BCAS4: variants seen among roughly 807,000 people sequenced by gnomAD.
BCAS4 encodes breast carcinoma-amplified sequence 4.
Under a neutral mutation model 15.7 loss-of-function variants are expected in BCAS4, and 9 were observed. The ratio of observed to expected loss-of-function variants is 0.57; its 90% CI spans 0.34 to 1.00. The LOEUF (loss-of-function observed/expected upper bound fraction) is 1.00, where lower values mean the gene tolerates loss of function less well. BCAS4 is among the 50% of genes least tolerant of loss of function. BCAS4 has a pLI of 0.02. For synonymous variants in BCAS4, 101 were observed against 99.5 expected, an observed-to-expected ratio of 1.02 and a Z score of -0.09; for missense variants, 225 against 239.1, an observed-to-expected ratio of 0.94 and a Z score of 0.39.
chr20:50,808,674 T>C (rs779839100), intron 1 of BCAS4, among the ~76,000 whole-genome samples: 4 of 152,210 alleles, frequency 2.6e-5, no homozygotes, highest in African/African-American at 4.8e-5. Flanking sequence ...AACTGTCTAT[T>C]CATGTCCTTT....
intron 3 of BCAS4, among the ~76,000 whole-genome samples, chr20:50,831,980 C>A (rs550877931): frequency 6.6e-6 from 1 of 152,196 alleles, no homozygotes; most frequent in South Asian, 2.1e-4. Flanking sequence ...TTATTCCACA[C>A]GTTTGAAAGA....
chr20:50,799,179 C>G (rs1261829677), intron 1 of BCAS4, among the ~76,000 whole-genome samples: 1 of 152,170 alleles, frequency 6.6e-6, no homozygotes, highest in East Asian at 1.9e-4. Flanking sequence ...GGCTAAGCCC[C>G]AGCTTCATTT....
chr20:50,832,106 G>C (rs1013038505), intron 3 of BCAS4, among the ~76,000 whole-genome samples: 1 of 152,130 alleles, frequency 6.6e-6, no homozygotes, highest in Non-Finnish European at 1.5e-5. Context: ...AGGGCCAGGA[G>C]AGACCCTCAG....
At chr20:50,802,171 C>T (rs1229098304) in intron 1 of BCAS4, among the ~76,000 whole-genome samples, 1 of 152,064 alleles carries the variant, frequency 6.6e-6, no homozygotes, top group Non-Finnish European at 1.5e-5. Context: ...ACACTCTAGC[C>T]TGGGTGACAG....
chr20:50,808,577 G>A (rs1233920855), intron 1 of BCAS4, among the ~76,000 whole-genome samples: 1 of 152,196 alleles, frequency 6.6e-6, no homozygotes, highest in African/African-American at 2.4e-5. Flanking sequence ...GTATCGCATT[G>A]TGGTTTGGAT....
intron 3 of BCAS4, among the ~76,000 whole-genome samples, chr20:50,837,741 G>A (rs978444488): frequency 2.0e-5 from 3 of 152,226 alleles, no homozygotes; most frequent in Non-Finnish European, 4.4e-5. Context: ...CTCACTGGCA[G>A]GCATTTTGGA....
chr20:50,831,671 T>C (rs1376068589), intron 3 of BCAS4, among the ~76,000 whole-genome samples: 1 of 152,090 alleles, frequency 6.6e-6, no homozygotes, highest in African/African-American at 2.4e-5. Flanking sequence ...TCACACTAGT[T>C]ACATCAAGAC....
At chr20:50,870,365 T>A (rs559406271) in intron 4 of BCAS4, among the ~76,000 whole-genome samples, 1 of 152,184 alleles carries the variant, frequency 6.6e-6, no homozygotes. Context: ...CCTGAGGTGG[T>A]GGGCTTGGCT....
chr20:50,837,486 C>T (rs1057016231), intron 3 of BCAS4, among the ~76,000 whole-genome samples: 4 of 152,184 alleles, frequency 2.6e-5, no homozygotes, highest in Admixed American at 2.0e-4. Context: ...ATGAGGCTTT[C>T]CTTCCCTCCC....
At chr20:50,824,799 G>T (rs1315708497) in intron 2 of BCAS4, among the ~76,000 whole-genome samples, 1 of 152,198 alleles carries the variant, frequency 6.6e-6, no homozygotes, top group Non-Finnish European at 1.5e-5. Flanking sequence ...AGTGTGGCCA[G>T]GTCTTGGCTC....
intron 1 of BCAS4, among the ~76,000 whole-genome samples, chr20:50,800,781 C>G (rs113893453): frequency 0.13 from 20,402 of 151,952 alleles, 1,488 homozygotes; most frequent in South Asian, 0.16. Context: ...AGGCTGCTCT[C>G]GAACCTGTGA....
chr20:50,876,475 T>G lies in BCAS4; in HGVS notation c.400-11T>G. ...AAATCGCTGATAGAGCTTCATTTCT[T>G]GTCATTCCAGAAGTCACCTGCACCG... On this transcript the variant is annotated splice_polypyrimidine_tract_variant and intron_variant, in intron 4 of 4. Transcript: ENST00000371608. The G allele has an allele frequency of 1.2e-6, 2 of 1,611,240 alleles. No individual in the cohort carries two copies. Among genetic ancestry groups the G allele is most frequent in the Non-Finnish European group, 1.7e-6 (2 of 1,179,132 alleles).
chr20:50,812,640 A>G (rs1600852870), intron 1 of BCAS4, among the ~76,000 whole-genome samples: 2 of 150,564 alleles, frequency 1.3e-5, no homozygotes, highest in African/African-American at 4.9e-5. Flanking sequence ...GGGTTTCACC[A>G]TCTTGGCCAG....
At chr20:50,822,447 A>G (rs1356649263) in intron 2 of BCAS4, among the ~76,000 whole-genome samples, 1 of 152,182 alleles carries the variant, frequency 6.6e-6, no homozygotes, top group Non-Finnish European at 1.5e-5. Flanking sequence ...CCATCTCCAA[A>G]GAGTTACTGT....
intron 3 of BCAS4, chr20:50,840,449 A>G: frequency 1.2e-6 from 1 of 819,666 alleles, no homozygotes; most frequent in Non-Finnish European, 2.1e-6. Flanking sequence ...TGGGAGAGGC[A>G]GTCGCGGCCT....
chr20:50,821,287 C>T (rs1205967673), intron 2 of BCAS4, among the ~76,000 whole-genome samples: 4 of 152,232 alleles, frequency 2.6e-5, no homozygotes, highest in Non-Finnish European at 5.9e-5. Context: ...AGACTCTTCC[C>T]ATGTGTCTGT....
intron 1 of BCAS4, among the ~76,000 whole-genome samples, chr20:50,796,967 A>G (rs914407098): frequency 2.0e-5 from 3 of 152,000 alleles, no homozygotes; most frequent in African/African-American, 7.3e-5. Flanking sequence ...CATAGCCAGG[A>G]CCACAGGTGC....
rs145713228 is a variant in BCAS4 at position 50,814,231 on chromosome 20, G to C, written c.91-3980G>C. 3.7e-3 allele frequency among the ~76,000 whole-genome samples: 556 copies of C among 152,290 alleles called. 1 individual carries two copies. Among genetic ancestry groups the C allele is most frequent in the African/African-American group, 0.012 (498 of 41,552 alleles). The stretch of plus-strand genomic sequence containing the variant: ...CTCCCTAGATACCAGGGGGTGAGGT[G>C]GGGGACTGACCATAGCTGACAAGCA... On this transcript the variant is annotated intron_variant, in intron 1 of 4. Transcript: ENST00000371608.
intron 4 of BCAS4, among the ~76,000 whole-genome samples, chr20:50,847,927 C>T (rs1176665820): frequency 6.6e-6 from 1 of 151,988 alleles, no homozygotes; most frequent in East Asian, 1.9e-4. Context: ...TGCCTGTATT[C>T]CCAGCTACTC....
Sources: allele counts gnomAD v4.1 joint callset (sites outside exome capture counted in the v4.1 genomes callset), GRCh38; gene constraint gnomAD v4.1.1; transcripts MANE v1.5; gene names NCBI Gene and HGNC (gene_info 2026-07-23, HGNC 2026-07-21).